INPP4B: variants seen among roughly 807,000 people sequenced by gnomAD.
The protein encoded by INPP4B is inositol polyphosphate 4-phosphatase type II.
In INPP4B, 55 loss-of-function variants were observed where a neutral mutation model predicts 122.5. The observed-to-expected ratio is 0.45, with a 90% CI of 0.36 to 0.56. INPP4B has a LOEUF of 0.56. INPP4B is among the 20% of genes least tolerant of loss of function. The pLI is 0.00. For missense variants in INPP4B, 1,000 were observed against 1,097.7 expected, an observed-to-expected ratio of 0.91 and a Z score of 1.26; for synonymous variants, 403 against 388.7, an observed-to-expected ratio of 1.04 and a Z score of -0.43.
chr4:142,557,874 C>A (rs1729563504), intron 2 of INPP4B, among the ~76,000 whole-genome samples: 1 of 152,164 alleles, frequency 6.6e-6, no homozygotes, highest in African/African-American at 2.4e-5. Context: ...TGGGCTCATT[C>A]ACCTATTACC....
intron 7 of INPP4B, among the ~76,000 whole-genome samples, chr4:142,340,878 A>G (rs1025535866): frequency 6.6e-6 from 1 of 152,200 alleles, no homozygotes; most frequent in Non-Finnish European, 1.5e-5. Flanking sequence ...CAGGTCTTTA[A>G]GTACCATCTG....
At chr4:142,239,332 C>T (rs1858141861) in intron 11 of INPP4B, among the ~76,000 whole-genome samples, 1 of 152,144 alleles carries the variant, frequency 6.6e-6, no homozygotes, top group Non-Finnish European at 1.5e-5. Context: ...AGAGTGCTTA[C>T]TTTTCAACAG....
chr4:142,278,563 T>A (rs1248403580), intron 9 of INPP4B, among the ~76,000 whole-genome samples: 1 of 151,882 alleles, frequency 6.6e-6, no homozygotes, highest in East Asian at 1.9e-4. Context: ...ACCTCTCTGA[T>A]TGGAGAAGCT....
chr4:142,256,759 C>G (rs1376689816), intron 11 of INPP4B, among the ~76,000 whole-genome samples: 5 of 152,100 alleles, frequency 3.3e-5, no homozygotes, highest in Non-Finnish European at 5.9e-5. Flanking sequence ...GATTCACAGC[C>G]GAATTCTACC....
Position 142,068,177 on chromosome 4 carries a change from C to G in INPP4B, c.2642+13854G>C, listed in dbSNP as rs534918181. Among the ~76,000 whole-genome samples the G allele has an allele frequency of 1.6e-4, 24 of 152,276 alleles. No individual in the cohort carries two copies. In the South Asian group the frequency reaches 4.4e-3, roughly 28 times the overall value. On this transcript the variant is annotated intron_variant, in intron 25 of 25. Coordinates refer to ENST00000262992, the MANE Select transcript of INPP4B (RefSeq NM_001101669.3). ...CCAGAAGAGAGTGGGGGCCAATATT[C>G]AACAATCTTAAAGAAAAGAATTTTC...
chr4:142,230,194 T>C (rs1853549485), intron 12 of INPP4B, among the ~76,000 whole-genome samples: 1 of 152,228 alleles, frequency 6.6e-6, no homozygotes, highest in African/African-American at 2.4e-5. Context: ...ATTAGTAGCC[T>C]ATAGTTTTAT....
rs563513226 is a variant in INPP4B at position 142,119,664 on chromosome 4, G to T, written c.2135+2464C>A. 5.5e-4 allele frequency among the ~76,000 whole-genome samples: 83 copies of T among 151,838 alleles called. No individual in the cohort carries two copies. In the South Asian group the frequency reaches 0.017, roughly 31 times the overall value. On this transcript the variant is annotated intron_variant, in intron 21 of 25. Coordinates refer to ENST00000262992, the MANE Select transcript of INPP4B (RefSeq NM_001101669.3). Reference sequence around the variant, plus strand: ...TCTGTCGTGGGGTGGGGGGAAGGGAGAGGGATAGCATTAGGAGATATACCT... The same window carrying T: ...TCTGTCGTGGGGTGGGGGGAAGGGATAGGGATAGCATTAGGAGATATACCT...
intron 1 of INPP4B, among the ~76,000 whole-genome samples, chr4:142,800,296 T>G (rs1431348543): frequency 6.6e-6 from 1 of 152,124 alleles, no homozygotes; most frequent in Non-Finnish European, 1.5e-5. Flanking sequence ...ACAAACACAC[T>G]GCTTGTTTCA....
At chr4:142,414,010 T>A (rs1167826780) in intron 5 of INPP4B, among the ~76,000 whole-genome samples, 3 of 152,132 alleles carry the variant, frequency 2.0e-5, no homozygotes, top group South Asian at 2.1e-4. Context: ...ATATAGGTAA[T>A]AATTTGCAAG....
intron 14 of INPP4B, among the ~76,000 whole-genome samples, chr4:142,196,908 T>C (rs2149399008): frequency 6.6e-6 from 1 of 151,978 alleles, no homozygotes; most frequent in African/African-American, 2.4e-5. Context: ...GCAGATCACT[T>C]GAGGCCAGGA....
At chr4:142,717,221 G>A (rs930394242) in intron 2 of INPP4B, among the ~76,000 whole-genome samples, 10 of 152,174 alleles carry the variant, frequency 6.6e-5, no homozygotes, top group African/African-American at 1.9e-4. Flanking sequence ...TAAATTTTGA[G>A]ACTAAATTTT....
intron 1 of INPP4B, among the ~76,000 whole-genome samples, chr4:142,832,040 G>A (rs1186407923): frequency 6.6e-6 from 1 of 152,132 alleles, no homozygotes; most frequent in Non-Finnish European, 1.5e-5. Context: ...CAGCAGGAGG[G>A]AAAAACAATC....
chr4:142,034,742 G>A (rs1742762410), intron 25 of INPP4B, among the ~76,000 whole-genome samples: 1 of 151,976 alleles, frequency 6.6e-6, no homozygotes, highest in Non-Finnish European at 1.5e-5. Context: ...AGAGCACCAG[G>A]CACCTCCTCC....
intron 2 of INPP4B, among the ~76,000 whole-genome samples, chr4:142,625,847 A>T (rs1187531561): frequency 6.6e-6 from 1 of 152,182 alleles, no homozygotes; most frequent in Non-Finnish European, 1.5e-5. Flanking sequence ...CAACTATCTG[A>T]TCTTTGACAA....
At chr4:142,361,458 G>A (rs544249304) in intron 7 of INPP4B, among the ~76,000 whole-genome samples, 1 of 151,974 alleles carries the variant, frequency 6.6e-6, no homozygotes, top group East Asian at 1.9e-4. Flanking sequence ...TCCAAATTTT[G>A]TTAGGATTGG....
At chr4:142,074,187 C>G (rs939539250) in intron 25 of INPP4B, among the ~76,000 whole-genome samples, 2 of 152,068 alleles carry the variant, frequency 1.3e-5, no homozygotes, top group African/African-American at 4.8e-5. Flanking sequence ...TTAAACACAA[C>G]AGGCCAGTGG....
chr4:142,426,913 T>C (rs1025730931), intron 5 of INPP4B: 6 of 151,984 alleles, frequency 3.9e-5, no homozygotes, highest in African/African-American at 1.2e-4. Flanking sequence ...GAAAAAGCCC[T>C]CTTCCTTACT....
intron 2 of INPP4B, among the ~76,000 whole-genome samples, chr4:142,479,480 A>G (rs543208948): frequency 3.3e-5 from 5 of 152,170 alleles, no homozygotes; most frequent in African/African-American, 4.8e-5. Flanking sequence ...AAATAAATAT[A>G]AATTATTCTA....
chr4:142,371,920 T>C (rs1579876121), intron 7 of INPP4B, among the ~76,000 whole-genome samples: 1 of 150,120 alleles, frequency 6.7e-6, no homozygotes, highest in East Asian at 1.9e-4. Flanking sequence ...ATACCAGCAG[T>C]CCACTACTGT....
Sources: allele counts gnomAD v4.1 joint callset (sites outside exome capture counted in the v4.1 genomes callset), GRCh38; gene constraint gnomAD v4.1.1; transcripts MANE v1.5; gene names NCBI Gene and HGNC (gene_info 2026-07-23, HGNC 2026-07-21).